Variants in CD244 observed in about 807,000 individuals in gnomAD.
The protein encoded by CD244 is CD244 molecule.
CD244 carries 20 observed loss-of-function variants against 45.5 expected under a neutral mutation model. The observed-to-expected ratio is 0.44, with a 90% CI of 0.31 to 0.64. The LOEUF (loss-of-function observed/expected upper bound fraction) is 0.64, where lower values mean the gene tolerates loss of function less well. Ranked by LOEUF, CD244 falls within the 30% of genes least tolerant of loss-of-function variation. CD244 has a pLI of 0.08. For synonymous variants in CD244, 185 were observed against 160.5 expected (o/e 1.15, Z -1.15); for missense variants, 407 against 426.9 (o/e 0.95, Z 0.41).
rs1360854567 is a variant in CD244, at chr1:160,855,174, G to A, written c.61+7443C>T. Among the ~76,000 whole-genome samples the A allele has an allele frequency of 3.9e-5, 6 of 152,322 alleles. No homozygotes were observed. In the East Asian group the frequency reaches 1.2e-3, roughly 29 times the overall value. ...TGTTTTCTTAAAGAAGGAGGTTGTT[G>A]GTTTGTGGAGGCTGAGATAGTGGAA... is the stretch of plus-strand genomic sequence containing the variant. On this transcript the variant is annotated intron_variant, in intron 1 of 8. Coordinates refer to ENST00000368034, the MANE Select transcript of CD244 (RefSeq NM_016382.4).
intron 1 of CD244, among the ~76,000 whole-genome samples, chr1:160,855,867 G>A (rs544102941): frequency 6.6e-6 from 1 of 152,216 alleles, no homozygotes; most frequent in African/African-American, 2.4e-5. Flanking sequence ...AGAGGATGGT[G>A]AAGGAGACAA....
chr1:160,839,654 A>T (rs1456986707), intron 3 of CD244, among the ~76,000 whole-genome samples: 1 of 152,236 alleles, frequency 6.6e-6, no homozygotes, highest in Non-Finnish European at 1.5e-5. Flanking sequence ...GGATGTGTGC[A>T]TAGGTTATAT....
At chr1:160,843,847 A>G (rs1341195257) in intron 1 of CD244, among the ~76,000 whole-genome samples, 2 of 152,262 alleles carry the variant, frequency 1.3e-5, no homozygotes, top group Admixed American at 6.5e-5. Context: ...TTCTGATTCC[A>G]TAAATGGCAG....
intron 1 of CD244, among the ~76,000 whole-genome samples, chr1:160,860,995 G>A (rs1034419538): frequency 6.6e-6 from 1 of 152,330 alleles, no homozygotes; most frequent in East Asian, 1.9e-4. Flanking sequence ...CTATGGTGCT[G>A]AAGCCCTGGG....
intron 5 of CD244, among the ~76,000 whole-genome samples, chr1:160,837,774 T>C (rs1006421997): frequency 6.6e-6 from 1 of 152,250 alleles, no homozygotes; most frequent in Non-Finnish European, 1.5e-5. Context: ...GCTTTTCCCC[T>C]GGGCCTGTCA....
intron 1 of CD244, among the ~76,000 whole-genome samples, chr1:160,842,458 T>G (rs1420046754): frequency 6.6e-6 from 1 of 152,076 alleles, no homozygotes; most frequent in Non-Finnish European, 1.5e-5. Flanking sequence ...GGATAAATTC[T>G]TAACCATGAT....
chr1:160,859,851 A>T (rs1040398357), intron 1 of CD244, among the ~76,000 whole-genome samples: 2 of 151,844 alleles, frequency 1.3e-5, no homozygotes, highest in Non-Finnish European at 2.9e-5. Context: ...TCGAGGCTAC[A>T]GTGAGCCGTG....
chr1:160,832,870 G>A (rs572762223), intron 7 of CD244, among the ~76,000 whole-genome samples: 5,579 of 117,828 alleles, frequency 0.047, 302 homozygotes, highest in African/African-American at 0.13. Context: ...GTGTGTGTGT[G>A]TATATATATA....
chr1:160,838,891 G>A (rs1176027975), intron 4 of CD244, 48 bp downstream of exon 4: 1 of 1,271,992 alleles, frequency 7.9e-7, no homozygotes, highest in East Asian at 2.3e-5. Flanking sequence ...AAAGTCACAG[G>A]ATCCAAGGCC....
At chr1:160,853,791 A>T (rs1216958547) in intron 1 of CD244, among the ~76,000 whole-genome samples, 1 of 55,830 alleles carries the variant, frequency 1.8e-5, no homozygotes, top group Non-Finnish European at 4.6e-5. Flanking sequence ...CTAAAAAAAA[A>T]AAAAAAAAAA....
At chr1:160,839,309 C>T (rs1405234903) in intron 3 of CD244, 3 of 339,354 alleles carry the variant, frequency 8.8e-6, no homozygotes, top group Non-Finnish European at 1.6e-5. Context: ...TATTTAACCT[C>T]TCTGGGCCTC....
chr1:160,839,322 A>T (rs549425663), intron 3 of CD244, among the ~76,000 whole-genome samples: 1 of 152,164 alleles, frequency 6.6e-6, no homozygotes, highest in South Asian at 2.1e-4. Flanking sequence ...TGGGCCTCTC[A>T]AGTCATCTTA....
At chr1:160,832,132 C>A (rs1452679580) in intron 8 of CD244, among the ~76,000 whole-genome samples, 1 of 152,104 alleles carries the variant, frequency 6.6e-6, no homozygotes, top group Non-Finnish European at 1.5e-5. Context: ...CCTGGAATGG[C>A]TCCCAAAGAC....
intron 1 of CD244, 114 bp downstream of exon 1, chr1:160,862,503 G>T: frequency 1.1e-6 from 1 of 873,724 alleles, no homozygotes; most frequent in South Asian, 1.7e-5. Flanking sequence ...GCTGCTCGGA[G>T]TCAAGTTCCA....
chr1:160,856,932 C>T (rs1020581523), intron 1 of CD244, among the ~76,000 whole-genome samples: 1 of 152,104 alleles, frequency 6.6e-6, no homozygotes, highest in African/African-American at 2.4e-5. Flanking sequence ...CTACAGGCAA[C>T]TAATATGCAG....
intron 8 of CD244, among the ~76,000 whole-genome samples, 162 bp downstream of exon 8, chr1:160,832,357 A>C (rs1166999041): frequency 5.3e-5 from 8 of 152,148 alleles, no homozygotes; most frequent in Non-Finnish European, 1.0e-4. Context: ...CTTGGGCTTC[A>C]GTGTCTTCAT....
intron 3 of CD244, among the ~76,000 whole-genome samples, chr1:160,840,145 T>C (rs1384877851): frequency 2.0e-5 from 3 of 151,968 alleles, no homozygotes; most frequent in Non-Finnish European, 4.4e-5. Flanking sequence ...TTTTTTTTTT[T>C]TTAAATAGAG....
intron 1 of CD244, among the ~76,000 whole-genome samples, chr1:160,846,318 G>C (rs1448895533): frequency 6.6e-6 from 1 of 152,182 alleles, no homozygotes; most frequent in African/African-American, 2.4e-5. Context: ...GTTTTCCAAG[G>C]AATGATATAT....
rs115650194 is a variant in CD244, at chr1:160,855,191, A to G, written c.61+7426T>C. On this transcript the variant is annotated intron_variant, in intron 1 of 8. Transcript: ENST00000368034. ...AGGTTGTTGGTTTGTGGAGGCTGAG[A>G]TAGTGGAACAGGGCCTTGAAAGAGA... 2.2e-3 allele frequency among the ~76,000 whole-genome samples: 332 copies of G among 152,314 alleles called. 2 individuals carry two copies. The highest frequency in any genetic ancestry group is 7.7e-3 in the African/African-American group (321 of 41,558).
Sources: allele counts gnomAD v4.1 joint callset (sites outside exome capture counted in the v4.1 genomes callset), GRCh38; gene constraint gnomAD v4.1.1; transcripts MANE v1.5; gene names NCBI Gene and HGNC (gene_info 2026-07-23, HGNC 2026-07-21).